Variants in SGCZ observed in about 807,000 individuals in gnomAD.
SGCZ encodes zeta-sarcoglycan.
SGCZ carries 40 observed loss-of-function variants against 41.3 expected under a neutral mutation model. The observed-to-expected ratio is 0.97, with a 90% CI of 0.75 to 1.26. The LOEUF is 1.26. Ranked by LOEUF, SGCZ falls within the 50% of genes most tolerant of loss-of-function variation. The pLI is 0.00. For missense variants in SGCZ, 552 were observed against 369.8 expected, an observed-to-expected ratio of 1.49 and a Z score of -4.04; for synonymous variants, 206 against 137.5, an observed-to-expected ratio of 1.50 and a Z score of -3.49.
chr8:15,026,411 G>T (rs746480682), intron 1 of SGCZ, among the ~76,000 whole-genome samples: 25 of 152,174 alleles, frequency 1.6e-4, no homozygotes, highest in Non-Finnish European at 2.6e-4. Flanking sequence ...TGCTGGTGTA[G>T]TGTTGTTTCC....
intron 5 of SGCZ, among the ~76,000 whole-genome samples, chr8:14,129,127 A>T (rs1802955286): frequency 1.3e-5 from 2 of 151,966 alleles, no homozygotes; most frequent in African/African-American, 2.4e-5. Context: ...TGGGTGGATC[A>T]CCTGAGGTCA....
chr8:14,838,769 C>T (rs1802794570), intron 1 of SGCZ, among the ~76,000 whole-genome samples: 1 of 152,182 alleles, frequency 6.6e-6, no homozygotes. Context: ...TTGTGCCTCC[C>T]TTGTATCTTT....
chr8:14,207,407 T>C (rs368289926), intron 4 of SGCZ, among the ~76,000 whole-genome samples: 1 of 152,190 alleles, frequency 6.6e-6, no homozygotes, highest in Non-Finnish European at 1.5e-5. Context: ...GCCTCATCCA[T>C]CTTATTGCAA....
intron 1 of SGCZ, among the ~76,000 whole-genome samples, chr8:14,666,052 T>C (rs1807900340): frequency 1.3e-5 from 2 of 152,168 alleles, no homozygotes; most frequent in Admixed American, 1.3e-4. Flanking sequence ...AGAACCTGAT[T>C]CTGGCAACTG....
At chr8:14,926,822 G>C (rs940935439) in intron 1 of SGCZ, among the ~76,000 whole-genome samples, 2 of 151,830 alleles carry the variant, frequency 1.3e-5, no homozygotes, top group African/African-American at 2.4e-5. Context: ...TTTACTTTTA[G>C]TAGAGACAGG....
At chr8:14,931,333 T>C (rs1032251311) in intron 1 of SGCZ, among the ~76,000 whole-genome samples, 4 of 152,092 alleles carry the variant, frequency 2.6e-5, no homozygotes, top group South Asian at 4.1e-4. Context: ...TTTCAAATAG[T>C]TTGATCTATT....
chr8:14,729,958 T>C (rs1810181251), intron 1 of SGCZ, among the ~76,000 whole-genome samples: 2 of 152,002 alleles, frequency 1.3e-5, no homozygotes, highest in Non-Finnish European at 2.9e-5. Flanking sequence ...GGTAGGACAG[T>C]CCTCTAATCC....
At chr8:14,775,074 G>T (rs1460988429) in intron 1 of SGCZ, among the ~76,000 whole-genome samples, 2 of 152,116 alleles carry the variant, frequency 1.3e-5, no homozygotes, top group Non-Finnish European at 2.9e-5. Context: ...AAAGAAAATT[G>T]CACTAATAAA....
intron 4 of SGCZ, among the ~76,000 whole-genome samples, chr8:14,171,201 T>C (rs571548389): frequency 2.6e-5 from 4 of 151,742 alleles, no homozygotes; most frequent in African/African-American, 9.6e-5. Context: ...TTTTCTCATT[T>C]ATCATCCCTG....
intron 4 of SGCZ, among the ~76,000 whole-genome samples, chr8:14,166,173 G>A (rs1478394141): frequency 6.6e-6 from 1 of 152,026 alleles, no homozygotes; most frequent in Non-Finnish European, 1.5e-5. Context: ...CTTTTGGGCT[G>A]TAAAGTTTAA....
At chr8:14,465,088 A>T (rs990866834) in intron 2 of SGCZ, among the ~76,000 whole-genome samples, 6 of 151,636 alleles carry the variant, frequency 4.0e-5, no homozygotes. Flanking sequence ...TATCTCTATT[A>T]TATCCAGTTT....
At chr8:15,215,778 G>A (rs556268732) in intron 1 of SGCZ, among the ~76,000 whole-genome samples, 2 of 152,152 alleles carry the variant, frequency 1.3e-5, no homozygotes, top group Admixed American at 1.3e-4. Context: ...TACAATTAAA[G>A]TCCTATATGT....
chr8:14,497,243 C>T lies in SGCZ; in HGVS notation c.234+57489G>A, dbSNP rs139625070. 9.2e-5 allele frequency among the ~76,000 whole-genome samples: 14 copies of T among 152,212 alleles called. 1 individual carries two copies. The East Asian group carries it at 2.5e-3, about 27-fold the overall frequency. On this transcript the variant is annotated intron_variant, in intron 2 of 7. Transcript: ENST00000382080. Reference sequence around the variant, plus strand: ...GCAAGCTGTACAGGGAGCATGGCAACGACATCTGTTCTTGGCAAGGCCTGA... The same window carrying T: ...GCAAGCTGTACAGGGAGCATGGCAATGACATCTGTTCTTGGCAAGGCCTGA...
chr8:14,499,324 G>A (rs2410187), intron 2 of SGCZ, among the ~76,000 whole-genome samples: 28,601 of 151,956 alleles, frequency 0.19, 3,260 homozygotes, highest in Admixed American at 0.26. Flanking sequence ...AGTAGACAAT[G>A]TCTTAACTTC....
chr8:14,238,874 T>C (rs186687271), intron 3 of SGCZ, among the ~76,000 whole-genome samples: 2 of 152,148 alleles, frequency 1.3e-5, no homozygotes, highest in African/African-American at 4.8e-5. Flanking sequence ...GTATGTCACG[T>C]CTATGTCAAT....
Position 14,202,314 on chromosome 8 carries a change from G to C in SGCZ, c.424+35278C>G, listed in dbSNP as rs571879118. On this transcript the variant is annotated intron_variant, in intron 4 of 7. Transcript: ENST00000382080. ...AAGTTTGTCCTCCACAATTCTTAGAGTGGAACACAGTCCTGCTGACATCTT... is the reference window on the plus strand; with the variant it reads ...AAGTTTGTCCTCCACAATTCTTAGACTGGAACACAGTCCTGCTGACATCTT... Among the ~76,000 whole-genome samples the C allele has an allele frequency of 1.4e-4, 21 of 152,262 alleles. No homozygotes were observed. The South Asian group carries it at 4.4e-3, about 32-fold the overall frequency.
intron 1 of SGCZ, among the ~76,000 whole-genome samples, chr8:14,639,894 T>G (rs1385234156): frequency 6.6e-6 from 1 of 151,636 alleles, no homozygotes; most frequent in Non-Finnish European, 1.5e-5. Flanking sequence ...CCCTACCTCC[T>G]GCAAGATACT....
At chr8:14,656,668 CCTT>C (rs1347787496) in intron 1 of SGCZ, among the ~76,000 whole-genome samples, 2 of 150,110 alleles carry the variant, frequency 1.3e-5, no homozygotes, top group African/African-American at 4.9e-5. Flanking sequence ...CCCTTTTCTC[CCTT>C]CTTTTCTCCC....
intron 2 of SGCZ, among the ~76,000 whole-genome samples, chr8:14,495,571 C>T (rs1432126028): frequency 6.6e-6 from 1 of 151,812 alleles, no homozygotes; most frequent in African/African-American, 2.4e-5. Context: ...TACATTTGAC[C>T]CTTTATATTA....
Sources: allele counts gnomAD v4.1 joint callset (sites outside exome capture counted in the v4.1 genomes callset), GRCh38; gene constraint gnomAD v4.1.1; transcripts MANE v1.5; gene names NCBI Gene and HGNC (gene_info 2026-07-23, HGNC 2026-07-21).